Variants in NOS1AP observed in about 807,000 individuals in gnomAD.
NOS1AP encodes nitric oxide synthase 1 adaptor protein.
In NOS1AP, 21 loss-of-function variants were observed where a neutral mutation model predicts 56.2. The observed-to-expected ratio is 0.37, with a 90% CI of 0.26 to 0.54. NOS1AP has a LOEUF of 0.54. NOS1AP is among the 20% of genes least tolerant of loss of function. The probability of loss-of-function intolerance (pLI) is 0.84; values close to 1 mark genes in which losing one functional copy is unlikely to be tolerated. For missense variants in NOS1AP, 522 were observed against 657.8 expected (o/e 0.79, Z 2.26); for synonymous variants, 270 against 274.6 (o/e 0.98, Z 0.17).
chr1:162,162,821 T>A (rs972420537), intron 2 of NOS1AP, among the ~76,000 whole-genome samples: 2 of 152,198 alleles, frequency 1.3e-5, no homozygotes, highest in African/African-American at 4.8e-5. Flanking sequence ...GCATACCATA[T>A]AACTCGCCCA....
chr1:162,311,830 G>A (rs1656042071), intron 4 of NOS1AP, among the ~76,000 whole-genome samples: 1 of 144,524 alleles, frequency 6.9e-6, no homozygotes, highest in African/African-American at 2.6e-5. Flanking sequence ...AGAATATGCG[G>A]TGTTTGGTTT....
rs146673277 is a variant in NOS1AP at position 162,160,911 on chromosome 1, G to A, written c.177+6435G>A. ...TGGGGCTAAAATCAAGGAGTTGGCA[G>A]GGCTGCGTTCCTTCTGGAGGTTCTA... On this transcript the variant is annotated intron_variant, in intron 2 of 9. Coordinates refer to ENST00000361897, the MANE Select transcript of NOS1AP (RefSeq NM_014697.3). Among the ~76,000 whole-genome samples the A allele has an allele frequency of 4.0e-3, 608 of 152,338 alleles. 4 individuals are homozygous for A. Among genetic ancestry groups the A allele is most frequent in the African/African-American group, 0.014 (571 of 41,566 alleles).
At chr1:162,115,880 A>G (rs954572260) in intron 1 of NOS1AP, among the ~76,000 whole-genome samples, 2 of 152,196 alleles carry the variant, frequency 1.3e-5, no homozygotes, top group Non-Finnish European at 2.9e-5. Flanking sequence ...TCAGATATTT[A>G]TGGGAGGTAT....
chr1:162,273,733 T>C (rs370028289), intron 2 of NOS1AP, among the ~76,000 whole-genome samples: 1 of 152,204 alleles, frequency 6.6e-6, no homozygotes, highest in African/African-American at 2.4e-5. Flanking sequence ...AATTTATGTG[T>C]CTGTATAGAT....
chr1:162,100,132 C>T lies in NOS1AP; in HGVS notation c.105+29850C>T. ...CTTTATAGCAGCATGATTTATAATC[C>T]TTTGGGTATATACCCAGTAATGGGA... On this transcript the variant is annotated intron_variant, in intron 1 of 9. Transcript: ENST00000361897. Among the ~76,000 whole-genome samples, 2 of 152,162 alleles carry T rather than the reference C, an allele frequency of 1.3e-5. 1 individual carries two copies. The highest frequency in any genetic ancestry group is 6.3e-3 in the Middle Eastern group (2 of 316).
At position 162,139,714 on chromosome 1, in the gene NOS1AP, T is replaced by C. The variant is rs1301147673; in HGVS notation, c.106-14691T>C. On this transcript the variant is annotated intron_variant, in intron 1 of 9. Transcript: ENST00000361897. Reference sequence around the variant, plus strand: ...CTTTATTAAAATATTGGTTTCTCCTTAAAAATAGCTTTTGTCAGACAAATC... The same window carrying C: ...CTTTATTAAAATATTGGTTTCTCCTCAAAAATAGCTTTTGTCAGACAAATC... 2.6e-5 allele frequency among the ~76,000 whole-genome samples: 4 copies of C among 152,226 alleles called. No individual in the cohort carries two copies. The South Asian group carries it at 6.2e-4, about 24-fold the overall frequency.
At chr1:162,132,814 C>A (rs926901015) in intron 1 of NOS1AP, among the ~76,000 whole-genome samples, 4 of 152,194 alleles carry the variant, frequency 2.6e-5, no homozygotes, top group African/African-American at 7.2e-5. Flanking sequence ...CAGTTTTCCC[C>A]AGTTACCAGT....
chr1:162,237,569 A>G lies in NOS1AP; in HGVS notation c.178-49775A>G, dbSNP rs182799179. Reference sequence around the variant, plus strand: ...GGTCAATCTGGACTTTAACACACCTATGATTTTGGATTAACTCTATTACCT... The same window carrying G: ...GGTCAATCTGGACTTTAACACACCTGTGATTTTGGATTAACTCTATTACCT... On this transcript the variant is annotated intron_variant, in intron 2 of 9. Transcript: ENST00000361897. Among the ~76,000 whole-genome samples, 381 of 152,354 alleles carry G rather than the reference A, an allele frequency of 2.5e-3. 2 individuals are homozygous for G. Among genetic ancestry groups the G allele is most frequent in the African/African-American group, 8.4e-3 (351 of 41,570 alleles).
intron 2 of NOS1AP, among the ~76,000 whole-genome samples, chr1:162,168,675 CTCTT>C (rs2102124957): frequency 6.9e-6 from 1 of 145,124 alleles, no homozygotes; most frequent in South Asian, 2.2e-4. Context: ...TTTTCTTCCT[CTCTT>C]TCCCTTGCTC....
At position 162,257,882 on chromosome 1, in the gene NOS1AP, T is replaced by G. The variant is rs1435991460; in HGVS notation, c.178-29462T>G. 2.6e-5 allele frequency among the ~76,000 whole-genome samples: 4 copies of G among 152,258 alleles called. No homozygotes were observed. In the South Asian group the frequency reaches 6.2e-4, roughly 24 times the overall value. ...GTCTCTTCAGATTTTCTCTACTGGC[T>G]CTAGACGCATCTCTTTTCTATCCAT... is the stretch of plus-strand genomic sequence containing the variant. On this transcript the variant is annotated intron_variant, in intron 2 of 9. Transcript: ENST00000361897.
At chr1:162,231,349 G>A (rs910702593) in intron 2 of NOS1AP, among the ~76,000 whole-genome samples, 3 of 152,064 alleles carry the variant, frequency 2.0e-5, no homozygotes, top group Non-Finnish European at 2.9e-5. Context: ...CTTTTGTGTT[G>A]TTGAGCTGTA....
At chr1:162,103,183 A>C (rs143639343) in intron 1 of NOS1AP, among the ~76,000 whole-genome samples, 124 of 152,024 alleles carry the variant, frequency 8.2e-4, no homozygotes, top group African/African-American at 2.9e-3. Context: ...GCCTAATTTC[A>C]TTATTTGCTC....
At chr1:162,309,734 G>C (rs1209839322) in intron 4 of NOS1AP, among the ~76,000 whole-genome samples, 2 of 152,160 alleles carry the variant, frequency 1.3e-5, no homozygotes, top group East Asian at 3.9e-4. Context: ...GCCATGTTAT[G>C]ATGAATTACA....
Position 162,335,598 on chromosome 1 carries a change from T to G in NOS1AP, c.453+2473T>G, listed in dbSNP as rs570228166. Among the ~76,000 whole-genome samples, 7 of 152,240 alleles carry G rather than the reference T, an allele frequency of 4.6e-5. No homozygotes were observed. In the East Asian group the frequency reaches 1.3e-3, roughly 29 times the overall value. On this transcript the variant is annotated intron_variant, in intron 5 of 9. Coordinates refer to ENST00000361897, the MANE Select transcript of NOS1AP (RefSeq NM_014697.3). The stretch of plus-strand genomic sequence containing the variant: ...GGGGGAAAGGACTATAGAGGACATG[T>G]GTGTTGCAGAGATGTTGCTGGGTTG...
chr1:162,211,622 C>T (rs181203715), intron 2 of NOS1AP, among the ~76,000 whole-genome samples: 2 of 152,128 alleles, frequency 1.3e-5, no homozygotes, highest in Non-Finnish European at 2.9e-5. Context: ...GCATTAAAAA[C>T]CCAGTGAGGC....
intron 2 of NOS1AP, among the ~76,000 whole-genome samples, chr1:162,274,097 G>T (rs1287040711): frequency 6.6e-6 from 1 of 152,126 alleles, no homozygotes; most frequent in Admixed American, 6.5e-5. Flanking sequence ...GGTAATGCTG[G>T]GTCATATGGT....
At chr1:162,180,284 G>A (rs909505034) in intron 2 of NOS1AP, among the ~76,000 whole-genome samples, 8 of 151,552 alleles carry the variant, frequency 5.3e-5, no homozygotes, top group South Asian at 2.1e-4. Flanking sequence ...TCGCTCTGTC[G>A]CCCAGGCTGG....
chr1:162,364,567 T>G, intron 8 of NOS1AP: 1 of 985,458 alleles, frequency 1.0e-6, no homozygotes, highest in Non-Finnish European at 1.2e-6. Flanking sequence ...GCATGCTGAA[T>G]GCATTGCTGC....
chr1:162,094,699 G>A (rs1389834683), intron 1 of NOS1AP, among the ~76,000 whole-genome samples: 1 of 152,194 alleles, frequency 6.6e-6, no homozygotes, highest in East Asian at 1.9e-4. Flanking sequence ...TCTGTCTTGA[G>A]TAAGTTTGGT....
Sources: gnomAD v4.1 joint callset for allele counts (sites outside exome capture counted in the v4.1 genomes callset) on GRCh38, gnomAD v4.1.1 for gene constraint, MANE v1.5 for transcripts, NCBI Gene and HGNC (gene_info 2026-07-23, HGNC 2026-07-21) for gene names.